Variants in SPATA31A6 observed in about 807,000 individuals in gnomAD.
SPATA31A6 encodes the protein spermatogenesis-associated protein 31A6.
SPATA31A6 carries 9 observed loss-of-function variants against 11.9 expected under a neutral mutation model. That is an observed-to-expected ratio of 0.76 (90% CI 0.46 to 1.32). The LOEUF (loss-of-function observed/expected upper bound fraction) is 1.32. Ranked by LOEUF, SPATA31A6 falls within the 40% of genes most tolerant of loss-of-function variation. The pLI, the probability that SPATA31A6 is intolerant of heterozygous loss-of-function variation, is 0.00. For synonymous variants in SPATA31A6, 314 were observed against 572.1 expected (o/e 0.55, Z 6.44); for missense variants, 855 against 1,467.3 (o/e 0.58, Z 6.82).
Position 42,189,248 on chromosome 9 carries a change from T to A in SPATA31A6, c.3546T>A (p.Thr1182=). ...SKKKSKPAPV[T]AESQKTVKNR... ...AAAAAAGCAAGCCAGCACCAGTCACTGCTGAGAGCCAAAAAACAGTAAAAA... is the reference window on the plus strand; with the variant it reads ...AAAAAAGCAAGCCAGCACCAGTCACAGCTGAGAGCCAAAAAACAGTAAAAA... The change falls in exon 4 of 4, where the codon ACT becomes ACA. Residue 1182 remains threonine (T), a synonymous_variant. Transcript: ENST00000332857. The A allele has an allele frequency of 4.5e-6, 7 of 1,555,354 alleles. 1 individual carries two copies. Among genetic ancestry groups the A allele is most frequent in the Middle Eastern group, 3.8e-4 (2 of 5,322 alleles).
chr9:42,183,845 A>G lies in SPATA31A6; in HGVS notation c.158A>G (p.Asp53Gly), dbSNP rs778640577. Residue 53 changes from aspartate to glycine, a missense_variant, in exon 1 of 4, where the codon GAC becomes GGC. Asp to Gly is a moderately conservative substitution (Grantham distance 94). Coordinates refer to ENST00000332857, the MANE Select transcript of SPATA31A6 (RefSeq NM_001145196.1). ...LPYLSYFHCDDPPSPSPGKRK... is the reference protein window; with the variant it reads ...LPYLSYFHCDGPPSPSPGKRK... ...TACTTATCTTACTTCCATTGTGATG[A>G]CCCACCCTCACCATCGCCTGGGAAG... The G allele has an allele frequency of 6.5e-7, 1 of 1,532,022 alleles. No individual in the cohort carries two copies. Among genetic ancestry groups the G allele is most frequent in the Non-Finnish European group, 8.8e-7 (1 of 1,137,614 alleles). The allele number at this position is 1,532,022 out of a possible 1,614,324, so 94.9% of individuals were successfully genotyped here. A position where few individuals can be genotyped will look rare whatever the true frequency, so the allele number is the denominator to read the frequency against.
Position 42,188,958 on chromosome 9 carries a change from A to T in SPATA31A6, c.3256A>T (p.Asn1086Tyr). Residue 1086 changes from asparagine (N) to tyrosine (Y), a missense_variant, in exon 4 of 4, where the codon AAC becomes TAC. Coordinates refer to ENST00000332857, the MANE Select transcript of SPATA31A6 (RefSeq NM_001145196.1). ...RSKLVQEEPR[N>Y]PNCQGSCKSQ... is the part of the protein sequence containing the mutation. ...CAAACTGGTGCAAGAGGAGCCCAGAAACCCAAACTGTCAAGGCTCATGCAA... is the reference window on the plus strand; with the variant it reads ...CAAACTGGTGCAAGAGGAGCCCAGATACCCAAACTGTCAAGGCTCATGCAA... The T allele has an allele frequency of 1.3e-6, 2 of 1,544,614 alleles. No individual in the cohort carries two copies. Among genetic ancestry groups the T allele is most frequent in the East Asian group, 4.8e-5 (2 of 42,066 alleles).
At chr9:42,184,666 G>A (rs1297955922) in intron 1 of SPATA31A6, among the ~76,000 whole-genome samples, 1 of 135,226 alleles carries the variant, frequency 7.4e-6, no homozygotes, top group Non-Finnish European at 1.6e-5. Flanking sequence ...AATAGCTGGG[G>A]ATTACAGGCG....
Position 42,187,227 on chromosome 9 carries a change from G to T in SPATA31A6, c.1525G>T (p.Ala509Ser), listed in dbSNP as rs754765166. ...LQSSFPVLSP[A>S]FPSLIKNTGV... ...GTCTTCTTTCCCAGTCCTATCTCCTGCTTTTCCATCCCTGATTAAGAACAC... is the reference window on the plus strand; with the variant it reads ...GTCTTCTTTCCCAGTCCTATCTCCTTCTTTTCCATCCCTGATTAAGAACAC... The change falls in exon 4 of 4, where the codon GCT (alanine) becomes TCT (serine). Residue 509 changes from alanine to serine, a missense_variant. By Grantham distance (99) the Ala-to-Ser change is moderately conservative. Coordinates refer to ENST00000332857, the MANE Select transcript of SPATA31A6 (RefSeq NM_001145196.1). 1.0e-5 allele frequency: 16 copies of T among 1,542,868 alleles called. 5 individuals are homozygous for T. The Admixed American group carries it at 1.4e-4, about 13-fold the overall frequency.
Position 42,189,411 on chromosome 9 carries a change from G to T in SPATA31A6, c.3709G>T (p.Ala1237Ser), listed in dbSNP as rs1829530071. ...KVNQHKQKFQ[A>S]PVCGFPCNHR... ...AAATCAGCACAAACAGAAGTTTCAA[G>T]CCCCAGTCTGTGGGTTTCCCTGCAA... The change falls in exon 4 of 4, where the codon GCC becomes TCC. Residue 1237 changes from alanine (A) to serine (S), a missense_variant. Physicochemically the swap from Ala to Ser is moderately conservative, Grantham distance 99 (BLOSUM62 1). Transcript: ENST00000332857. 1 of 1,564,494 alleles carries T rather than the reference G, an allele frequency of 6.4e-7. No homozygotes were observed. The highest frequency in any genetic ancestry group is 1.8e-5 in the Admixed American group (1 of 56,770).
rs752908249 is a variant in SPATA31A6 at position 42,189,281 on chromosome 9, A to C, written c.3579A>C (p.Ser1193=). The C allele has an allele frequency of 1.3e-6, 2 of 1,561,034 alleles. 1 individual carries two copies. The highest frequency in any genetic ancestry group is 3.0e-5 in the African/African-American group (2 of 65,692). The change falls in exon 4 of 4, where the codon TCA becomes TCC. Residue 1193 remains serine (S), a synonymous_variant. Transcript: ENST00000332857. ...AESQKTVKNR[S]CVYSSSAEAQ... is the part of the protein sequence containing the mutation. The stretch of plus-strand genomic sequence containing the variant: ...GCCAAAAAACAGTAAAAAACAGATC[A>C]TGTGTGTACAGCAGCAGTGCTGAAG...
In SPATA31A6 at chr9:42,187,374, G is replaced by T. The variant is rs200385154; in HGVS notation, c.1672G>T (p.Val558Phe). Residue 558 changes from valine (V) to phenylalanine (F), a missense_variant, in exon 4 of 4, where the codon GTC becomes TTC. Coordinates refer to ENST00000332857, the MANE Select transcript of SPATA31A6 (RefSeq NM_001145196.1). ...AGGTAGGTTGGCTTTACCCTCTAGG[G>T]TCCAAAAATCTCAGGACGTCTTTAG... ...LEGRLALPSR[V>F]QKSQDVFSVS... 6,425 of 1,534,464 alleles carry T rather than the reference G, an allele frequency of 4.2e-3. 1,373 individuals are homozygous for T. The East Asian group carries it at 0.11, about 26-fold the overall frequency.
At position 42,186,684 on chromosome 9, in the gene SPATA31A6, G is replaced by A. The variant is rs755808181; in HGVS notation, c.982G>A (p.Val328Met). 7.6e-5 allele frequency: 117 copies of A among 1,531,554 alleles called. 17 individuals are homozygous for A. Among genetic ancestry groups the A allele is most frequent in the Admixed American group, 7.2e-4 (41 of 56,882 alleles). 94.9% of individuals were successfully genotyped at this position (1,531,554 alleles called of 1,614,324 possible). Residue 328 changes from valine to methionine, a missense_variant, in exon 4 of 4, where the codon GTG becomes ATG. Physicochemically the swap from Val to Met is conservative, Grantham distance 21. Coordinates refer to ENST00000332857, the MANE Select transcript of SPATA31A6 (RefSeq NM_001145196.1). ...GCTCAGCTCTGATGGCCAGAATGTCGTGGGGATACAAGTCACAGAAACAGC... is the reference window on the plus strand; with the variant it reads ...GCTCAGCTCTGATGGCCAGAATGTCATGGGGATACAAGTCACAGAAACAGC... ...FLLSSDGQNV[V>M]GIQVTETAKV...
chr9:42,185,010 C>T, intron 1 of SPATA31A6, 59 bp from the exon 2 acceptor site: 2 of 1,520,484 alleles, frequency 1.3e-6, no homozygotes, highest in East Asian at 2.5e-5. Context: ...TTTCTTGTCT[C>T]CCATTGTCAT....
rs1231106758 is a variant in SPATA31A6, at chr9:42,183,686, A to C, written c.-2A>C. On this transcript the variant is annotated 5_prime_UTR_variant, in exon 1 of 4. Coordinates refer to ENST00000332857, the MANE Select transcript of SPATA31A6 (RefSeq NM_001145196.1). ...TTGCTTGAAAGCAACGTGCCTATTC[A>C]CATGGAGAATCTTCCCTTTCCTTTA... is the stretch of plus-strand genomic sequence containing the variant. 1 of 1,532,214 alleles carries C rather than the reference A, an allele frequency of 6.5e-7. No homozygotes were observed. The highest frequency in any genetic ancestry group is 8.8e-7 in the Non-Finnish European group (1 of 1,137,204). The allele number at this position is 1,532,214 out of a possible 1,614,324, so 94.9% of individuals were successfully genotyped here. A position where few individuals can be genotyped will look rare whatever the true frequency, so the allele number is the denominator to read the frequency against.
rs757078954 is a variant in SPATA31A6 at position 42,189,357 on chromosome 9, C to T, written c.3655C>T (p.Leu1219Phe). 5.5e-5 allele frequency: 85 copies of T among 1,540,830 alleles called. 19 individuals carry two copies. The African/African-American group carries it at 1.0e-3, about 19-fold the overall frequency. ...ACAAATGCTGGACAAGAAAATGTCACTTTGCCATGCGCACCATGCCTCGAA... is the reference window on the plus strand; with the variant it reads ...ACAAATGCTGGACAAGAAAATGTCATTTTGCCATGCGCACCATGCCTCGAA... ...VGQMLDKKMS[L>F]CHAHHASKVN... Residue 1219 changes from leucine to phenylalanine, a missense_variant, in exon 4 of 4, where the codon CTT becomes TTT. Physicochemically the swap from Leu to Phe is conservative, Grantham distance 22. Transcript: ENST00000332857.
intron 2 of SPATA31A6, 141 bp from the exon 3 acceptor site, chr9:42,185,553 CG>C (rs1182798259): frequency 9.1e-7 from 1 of 1,103,460 alleles, no homozygotes; most frequent in African/African-American, 1.8e-5. Flanking sequence ...CTATTAACGT[CG>C]GGGTCATGTG....
intron 1 of SPATA31A6, among the ~76,000 whole-genome samples, chr9:42,184,831 T>A (rs1370954604): frequency 2.2e-5 from 3 of 137,406 alleles, no homozygotes; most frequent in Non-Finnish European, 4.6e-5. Flanking sequence ...CCCAGCCCCC[T>A]CTTGCTGTTT....
At position 42,189,589 on chromosome 9, in the gene SPATA31A6, A is replaced by T; in HGVS notation, c.3887A>T (p.Gln1296Leu). ...AAAAGTGTGCGGTGCAACAATGAGC[A>T]ATGGGGCCTGCGACATCCCCAAATC... ...PLKSVRCNNEQWGLRHPQILH... is the reference protein window; with the variant it reads ...PLKSVRCNNELWGLRHPQILH... Residue 1296 changes from glutamine (Q) to leucine (L), a missense_variant, in exon 4 of 4, where the codon CAA becomes CTA. Coordinates refer to ENST00000332857, the MANE Select transcript of SPATA31A6 (RefSeq NM_001145196.1). The T allele has an allele frequency of 6.4e-7, 1 of 1,557,812 alleles. No individual in the cohort carries two copies. The highest frequency in any genetic ancestry group is 8.7e-7 in the Non-Finnish European group (1 of 1,154,686).
rs779682261 is a variant in SPATA31A6, at chr9:42,188,891, G to T, written c.3189G>T (p.Arg1063=). 2.8e-4 allele frequency: 428 copies of T among 1,549,542 alleles called. 65 individuals are homozygous for T. The highest frequency in any genetic ancestry group is 7.0e-4 in the Middle Eastern group (3 of 4,314). ...AGAGCATGCCTACTGGGAACATGCG[G>T]GCTTCCCAGGAGCTACATGACCTCA... ...HLQSMPTGNM[R]ASQELHDLMA... is the part of the protein sequence containing the mutation. The change falls in exon 4 of 4, where the codon CGG becomes CGT. Residue 1063 remains arginine, a synonymous_variant. Coordinates refer to ENST00000332857, the MANE Select transcript of SPATA31A6 (RefSeq NM_001145196.1).
chr9:42,185,738 T>G lies in SPATA31A6; in HGVS notation c.291T>G (p.Leu97=), dbSNP rs2261119. 163,905 of 1,105,912 alleles carry G rather than the reference T, an allele frequency of 0.15. 61,618 individuals are homozygous for G. Among genetic ancestry groups the G allele is most frequent in the East Asian group, 0.63 (16,975 of 26,984 alleles). 68.5% of individuals were successfully genotyped at this position (1,105,912 alleles called of 1,614,324 possible). A position where few individuals can be genotyped will look rare whatever the true frequency, so the allele number is the denominator to read the frequency against. ...CPRGLEETSD[L]LSQLQSLLGP... is the part of the protein sequence containing the mutation. ...GAGGCCTGGAGGAGACTTCGGACCT[T>G]CTTTCACAACTGCAGAGGTGAGGCA... The change falls in exon 3 of 4, where the codon CTT becomes CTG. Residue 97 remains leucine, a synonymous_variant. Coordinates refer to ENST00000332857, the MANE Select transcript of SPATA31A6 (RefSeq NM_001145196.1).
chr9:42,187,359 G>A lies in SPATA31A6; in HGVS notation c.1657G>A (p.Ala553Thr). 2 of 1,536,666 alleles carry A rather than the reference G, an allele frequency of 1.3e-6. No homozygotes were observed. The highest frequency in any genetic ancestry group is 1.8e-6 in the Non-Finnish European group (2 of 1,136,654). Residue 553 changes from alanine (A) to threonine (T), a missense_variant, in exon 4 of 4, where the codon GCT becomes ACT. Transcript: ENST00000332857. ...GAGGAAACAACTAGAAGGTAGGTTG[G>A]CTTTACCCTCTAGGGTCCAAAAATC... ...LLRKQLEGRL[A>T]LPSRVQKSQD...
rs748062305 is a variant in SPATA31A6 at position 42,189,496 on chromosome 9, A to C, written c.3794A>C (p.Gln1265Pro). Residue 1265 changes from glutamine to proline, a missense_variant, in exon 4 of 4, where the codon CAA (glutamine) becomes CCA (proline). Coordinates refer to ENST00000332857, the MANE Select transcript of SPATA31A6 (RefSeq NM_001145196.1). ...ATACTGAGCTATGCAGCCAGCAGTCAACAAGCCACTCTCAAGAGCCAGGGT... is the reference window on the plus strand; with the variant it reads ...ATACTGAGCTATGCAGCCAGCAGTCCACAAGCCACTCTCAAGAGCCAGGGT... Reference protein sequence around the residue: ...GRILSYAASSQQATLKSQGCP... With the variant: ...GRILSYAASSPQATLKSQGCP... The C allele has an allele frequency of 1.6e-5, 25 of 1,561,648 alleles. 4 individuals are homozygous for C.
chr9:42,184,548 G>T (rs1829409313), intron 1 of SPATA31A6, among the ~76,000 whole-genome samples: 4 of 75,158 alleles, frequency 5.3e-5, no homozygotes, highest in Non-Finnish European at 5.4e-5. Context: ...TTTATTTTTT[G>T]AGATGGAGTC....
Sources: allele counts gnomAD v4.1 joint callset (sites outside exome capture counted in the v4.1 genomes callset), GRCh38; gene constraint gnomAD v4.1.1; transcripts MANE v1.5; gene names NCBI Gene and HGNC (gene_info 2026-07-23, HGNC 2026-07-21).